The following DPYD variants were observed in gnomAD, a reference collection of about 807,000 sequenced individuals.
DPYD encodes dihydropyrimidine dehydrogenase, also known as dihydropyrimidine dehydrogenase [NADP(+)].
A neutral mutation model predicts 116.2 loss-of-function variants in DPYD; 109 were observed. That is an observed-to-expected ratio of 0.94 (90% confidence interval 0.80 to 1.10). The LOEUF is 1.10. Ranked by LOEUF, DPYD falls within the 50% of genes least tolerant of loss-of-function variation. DPYD has a pLI of 0.00. For synonymous variants in DPYD, 440 were observed against 432.0 expected, an observed-to-expected ratio of 1.02 and a Z score of -0.23; for missense variants, 1,302 against 1,254.5, an observed-to-expected ratio of 1.04 and a Z score of -0.57.
At chr1:97,468,892 T>C (rs377614301) in intron 13 of DPYD, among the ~76,000 whole-genome samples, 1 of 152,330 alleles carries the variant, frequency 6.6e-6, no homozygotes. Context: ...AATTTATTTA[T>C]AATAAGTAGC....
intron 1 of DPYD, among the ~76,000 whole-genome samples, chr1:97,884,630 T>C (rs1451158287): frequency 2.6e-5 from 4 of 152,058 alleles, no homozygotes; most frequent in African/African-American, 9.7e-5. Context: ...AAAGTCTTCT[T>C]CCATGAAGTT....
At chr1:97,446,676 A>C (rs950953608) in intron 14 of DPYD, among the ~76,000 whole-genome samples, 6 of 152,276 alleles carry the variant, frequency 3.9e-5, no homozygotes, top group African/African-American at 1.4e-4. Context: ...ACAAATGATA[A>C]AAAATTTCAG....
chr1:97,633,409 C>T (rs1657387001), intron 8 of DPYD, among the ~76,000 whole-genome samples: 1 of 151,980 alleles, frequency 6.6e-6, no homozygotes, highest in South Asian at 2.1e-4. Flanking sequence ...AGATAAGTGG[C>T]CAAAACTGTT....
intron 13 of DPYD, among the ~76,000 whole-genome samples, chr1:97,488,507 G>A (rs976804964): frequency 6.6e-6 from 1 of 152,168 alleles, no homozygotes; most frequent in Non-Finnish European, 1.5e-5. Flanking sequence ...GCTCTTGTAA[G>A]TTTAATCTGT....
chr1:97,420,555 C>A (rs1674525244), intron 14 of DPYD, among the ~76,000 whole-genome samples: 1 of 152,040 alleles, frequency 6.6e-6, no homozygotes. Flanking sequence ...CATAAAATCT[C>A]TCACTAGTTC....
chr1:97,642,049 G>A (rs979662850), intron 8 of DPYD, among the ~76,000 whole-genome samples: 2 of 152,162 alleles, frequency 1.3e-5, no homozygotes, highest in Non-Finnish European at 2.9e-5. Flanking sequence ...TACAAGGGGT[G>A]TGAAGGACCT....
chr1:97,371,075 T>G (rs1419481352), intron 16 of DPYD, among the ~76,000 whole-genome samples: 1 of 152,108 alleles, frequency 6.6e-6, no homozygotes, highest in Non-Finnish European at 1.5e-5. Context: ...TAAGCTTATA[T>G]ATATGTATAT....
intron 14 of DPYD, among the ~76,000 whole-genome samples, chr1:97,426,631 G>A (rs1674880841): frequency 6.6e-6 from 1 of 152,010 alleles, no homozygotes; most frequent in Admixed American, 6.6e-5. Context: ...TAGTGGGGTG[G>A]GATGAAGGGT....
intron 19 of DPYD, among the ~76,000 whole-genome samples, chr1:97,202,796 A>G (rs1386254897): frequency 2.0e-5 from 3 of 152,216 alleles, no homozygotes; most frequent in Non-Finnish European, 4.4e-5. Flanking sequence ...TAATGACTGC[A>G]ACCAAGAAAT....
chr1:97,487,884 C>CT (rs978807118), intron 13 of DPYD, among the ~76,000 whole-genome samples: 2 of 152,130 alleles, frequency 1.3e-5, no homozygotes, highest in African/African-American at 4.8e-5. Context: ...TCAAATTAAA[C>CT]ATATAGTTAC....
At chr1:97,531,021 G>A (rs559901668) in intron 12 of DPYD, among the ~76,000 whole-genome samples, 5 of 152,188 alleles carry the variant, frequency 3.3e-5, no homozygotes, top group East Asian at 3.9e-4. Context: ...GAAATTAACT[G>A]CTGGTTAATT....
intron 20 of DPYD, among the ~76,000 whole-genome samples, chr1:97,175,965 A>G (rs1657224701): frequency 6.6e-6 from 1 of 152,188 alleles, no homozygotes; most frequent in African/African-American, 2.4e-5. Flanking sequence ...GCAGTCTGGA[A>G]CACATTTTCC....
At chr1:97,682,040 T>C (rs1660453263) in intron 7 of DPYD, among the ~76,000 whole-genome samples, 1 of 152,234 alleles carries the variant, frequency 6.6e-6, no homozygotes, top group East Asian at 1.9e-4. Context: ...TAGTAGCTTT[T>C]TGTGATTTAT....
chr1:97,538,017 A>C (rs1172085255), intron 12 of DPYD, among the ~76,000 whole-genome samples: 1 of 151,842 alleles, frequency 6.6e-6, no homozygotes, highest in Non-Finnish European at 1.5e-5. Context: ...CAGTGAGCCA[A>C]GATCGTGCCA....
At chr1:97,343,682 A>G (rs1216650013) in intron 16 of DPYD, among the ~76,000 whole-genome samples, 7 of 152,012 alleles carry the variant, frequency 4.6e-5, no homozygotes, top group Non-Finnish European at 1.0e-4. Context: ...GATTAGGTTT[A>G]TGTCTTCCAT....
intron 3 of DPYD, among the ~76,000 whole-genome samples, chr1:97,785,681 CTTTTTTTTTT>C (rs35229030): frequency 2.6e-4 from 16 of 62,548 alleles, no homozygotes; most frequent in Non-Finnish European, 3.3e-4. Flanking sequence ...GCCACTGACT[CTTTTTTTTTT>C]TTTTTTTTTT....
intron 12 of DPYD, among the ~76,000 whole-genome samples, chr1:97,533,819 C>T (rs2297780): frequency 0.16 from 24,354 of 152,044 alleles, 2,085 homozygotes; most frequent in Admixed American, 0.22. Flanking sequence ...AGAAAACCAG[C>T]GTAGTTGCCC....
At chr1:97,560,222 A>C (rs979648310) in intron 11 of DPYD, among the ~76,000 whole-genome samples, 7 of 152,188 alleles carry the variant, frequency 4.6e-5, no homozygotes, top group Admixed American at 1.3e-4. Flanking sequence ...CAGCAAGCAT[A>C]ACCTGAACTA....
intron 14 of DPYD, among the ~76,000 whole-genome samples, chr1:97,400,903 C>G (rs983659036): frequency 6.6e-6 from 1 of 152,020 alleles, no homozygotes. Context: ...TGTCTTCTAA[C>G]GTGATCAAAT....
Sources: gnomAD v4.1 joint callset for allele counts (sites outside exome capture counted in the v4.1 genomes callset) on GRCh38, gnomAD v4.1.1 for gene constraint, MANE v1.5 for transcripts, NCBI Gene and HGNC (gene_info 2026-07-23, HGNC 2026-07-21) for gene names.